The following ALPK2 variants were observed in gnomAD, a reference collection of about 807,000 sequenced individuals.
The protein encoded by ALPK2 is alpha-protein kinase 2.
A neutral mutation model predicts 163.1 loss-of-function variants in ALPK2; 127 were observed. That is an observed-to-expected ratio of 0.78 (90% CI 0.67 to 0.90). The LOEUF is 0.90. Ranked by LOEUF, ALPK2 falls within the 40% of genes least tolerant of loss-of-function variation. The pLI is 0.00. For missense variants in ALPK2, 2,360 were observed against 2,589.6 expected (o/e 0.91, Z 1.92); for synonymous variants, 953 against 959.1 (o/e 0.99, Z 0.12).
At chr18:58,626,179 C>T (rs540187553) in intron 1 of ALPK2, among the ~76,000 whole-genome samples, 1 of 152,148 alleles carries the variant, frequency 6.6e-6, no homozygotes, top group South Asian at 2.1e-4. Context: ...TGGGGTATCT[C>T]AGTAAAAACA....
chr18:58,562,840 T>A (rs1414620115), intron 4 of ALPK2, among the ~76,000 whole-genome samples: 1 of 152,218 alleles, frequency 6.6e-6, no homozygotes, highest in African/African-American at 2.4e-5. Flanking sequence ...TGTCCTCAGA[T>A]GGCAGAAAGA....
At position 58,481,893 on chromosome 18, in the gene ALPK2, C is replaced by A. The variant is rs750802597; in HGVS notation, c.6443G>T (p.Ser2148Ile). ...TGTCATAGAGTTTGTTTGAACTTTG[C>A]TTTTCCCAATGCTCGGCTGCTTCTG... ...QKQKQPSIGK[S>I]KVQTNSMTIK... Residue 2148 changes from serine (S) to isoleucine (I), a missense_variant, in exon 13 of 13, where the codon AGC (serine) becomes ATC (isoleucine). Physicochemically the swap from Ser to Ile is moderately radical, Grantham distance 142. Coordinates refer to ENST00000361673, the MANE Select transcript of ALPK2 (RefSeq NM_052947.4). The A allele has an allele frequency of 6.2e-7, 1 of 1,614,158 alleles. No individual in the cohort carries two copies. The highest frequency in any genetic ancestry group is 8.5e-7 in the Non-Finnish European group (1 of 1,180,036).
intron 4 of ALPK2, among the ~76,000 whole-genome samples, chr18:58,575,161 C>T (rs1387819333): frequency 6.8e-6 from 1 of 147,776 alleles, no homozygotes; most frequent in Non-Finnish European, 1.5e-5. Context: ...TGCGGTGGGC[C>T]GAGATCACAC....
At chr18:58,616,192 G>A (rs564239361) in intron 1 of ALPK2, among the ~76,000 whole-genome samples, 1 of 152,222 alleles carries the variant, frequency 6.6e-6, no homozygotes, top group South Asian at 2.1e-4. Context: ...TTTTTGCTGT[G>A]TGGTTATGGT....
At chr18:58,534,369 C>T (rs2051631805) in intron 5 of ALPK2, among the ~76,000 whole-genome samples, 1 of 152,138 alleles carries the variant, frequency 6.6e-6, no homozygotes, top group Admixed American at 6.5e-5. Flanking sequence ...AGGAGAATCC[C>T]AATTTGTACC....
At chr18:58,506,153 TTA>T (rs2051460726) in intron 10 of ALPK2, among the ~76,000 whole-genome samples, 1 of 152,056 alleles carries the variant, frequency 6.6e-6, no homozygotes. Flanking sequence ...CATCTCAAAT[TTA>T]ACTCTGCATT....
At chr18:58,564,139 T>TTTTTTTTTTTTTTA (rs2051839161) in intron 4 of ALPK2, among the ~76,000 whole-genome samples, 3 of 147,696 alleles carry the variant, frequency 2.0e-5, no homozygotes, top group South Asian at 2.2e-4. Flanking sequence ...TTTTTTTTTT[T>TTTTTTTTTTTTTTA]GAGATGGAGT....
At chr18:58,541,492 G>A (rs1246102957) in intron 4 of ALPK2, among the ~76,000 whole-genome samples, 2 of 152,120 alleles carry the variant, frequency 1.3e-5, no homozygotes, top group Non-Finnish European at 2.9e-5. Flanking sequence ...AAACCATATC[G>A]CCCCTCTTAC....
intron 6 of ALPK2, among the ~76,000 whole-genome samples, chr18:58,528,000 C>A (rs1250280769): frequency 6.6e-6 from 1 of 152,214 alleles, no homozygotes; most frequent in African/African-American, 2.4e-5. Flanking sequence ...TGGAACCCCT[C>A]CCATTTCTTA....
chr18:58,494,071 C>T (rs1429840073), intron 12 of ALPK2, among the ~76,000 whole-genome samples: 26 of 152,276 alleles, frequency 1.7e-4, no homozygotes, highest in Admixed American at 6.5e-5. Context: ...CTCCACTGCA[C>T]GCATGGCTTT....
intron 1 of ALPK2, among the ~76,000 whole-genome samples, chr18:58,614,369 C>G (rs1406795607): frequency 1.3e-5 from 2 of 152,094 alleles, no homozygotes; most frequent in Non-Finnish European, 2.9e-5. Context: ...CTTACATTTC[C>G]AATTATTTTT....
chr18:58,599,282 G>A (rs116454314), intron 3 of ALPK2, among the ~76,000 whole-genome samples: 79 of 152,242 alleles, frequency 5.2e-4, no homozygotes, highest in African/African-American at 1.8e-3. Flanking sequence ...TCAGACCCTC[G>A]GAACTCATTC....
At position 58,579,815 on chromosome 18, in the gene ALPK2, C is replaced by T. The variant is rs773188194; in HGVS notation, c.961G>A (p.Glu321Lys). The T allele has an allele frequency of 3.0e-5, 49 of 1,613,956 alleles. No individual in the cohort carries two copies. Among genetic ancestry groups the T allele is most frequent in the Non-Finnish European group, 4.2e-5 (49 of 1,180,038 alleles). ...CPEITLTYTEEFSDDDLEYLE... is the reference protein window; with the variant it reads ...CPEITLTYTEKFSDDDLEYLE... The stretch of plus-strand genomic sequence containing the variant: ...TACTCCAGGTCATCATCTGAAAACT[C>T]CTCGGTGTAGGTTAGGGTTATCTCT... Residue 321 changes from glutamate (E) to lysine (K), a missense_variant, in exon 4 of 13, where the codon GAG (glutamate) becomes AAG (lysine). Physicochemically the swap from Glu to Lys is moderately conservative, Grantham distance 56. Coordinates refer to ENST00000361673, the MANE Select transcript of ALPK2 (RefSeq NM_052947.4).
At chr18:58,525,342 C>T (rs1284148238) in intron 6 of ALPK2, among the ~76,000 whole-genome samples, 1 of 152,216 alleles carries the variant, frequency 6.6e-6, no homozygotes, top group African/African-American at 2.4e-5. Context: ...AAGGGGAAGA[C>T]TTCCGGACAG....
At chr18:58,548,482 A>G (rs895952555) in intron 4 of ALPK2, among the ~76,000 whole-genome samples, 1 of 152,074 alleles carries the variant, frequency 6.6e-6, no homozygotes, top group Non-Finnish European at 1.5e-5. Context: ...CACCATGGCC[A>G]GCTAATTTTT....
intron 3 of ALPK2, among the ~76,000 whole-genome samples, chr18:58,598,866 C>T (rs866186828): frequency 1.3e-5 from 2 of 152,188 alleles, no homozygotes; most frequent in South Asian, 2.1e-4. Context: ...ACTCCAAGAA[C>T]TTCCCTAATG....
chr18:58,601,463 G>C (rs1433299234), intron 3 of ALPK2, among the ~76,000 whole-genome samples: 1 of 152,178 alleles, frequency 6.6e-6, no homozygotes, highest in Non-Finnish European at 1.5e-5. Flanking sequence ...TTCAAAAGTA[G>C]AGTCTATTTT....
intron 6 of ALPK2, among the ~76,000 whole-genome samples, chr18:58,528,350 G>T (rs1290325663): frequency 6.6e-6 from 1 of 152,082 alleles, no homozygotes; most frequent in African/African-American, 2.4e-5. Flanking sequence ...TGGGCAATGT[G>T]GCAAAACCCT....
chr18:58,587,841 C>A (rs1377596439), intron 3 of ALPK2, among the ~76,000 whole-genome samples: 1 of 152,150 alleles, frequency 6.6e-6, no homozygotes, highest in African/African-American at 2.4e-5. Flanking sequence ...AACTGGAAGT[C>A]CCTAGTTCAG....
Sources: allele counts gnomAD v4.1 joint callset (sites outside exome capture counted in the v4.1 genomes callset), GRCh38; gene constraint gnomAD v4.1.1; transcripts MANE v1.5; gene names NCBI Gene and HGNC (gene_info 2026-07-23, HGNC 2026-07-21).